HS3ST5: variants seen among roughly 807,000 people sequenced by gnomAD.
HS3ST5 encodes heparan sulfate glucosamine 3-O-sulfotransferase 5.
In HS3ST5, 10 loss-of-function variants were observed where a neutral mutation model predicts 25.4. The ratio of observed to expected loss-of-function variants is 0.39; its 90% CI spans 0.24 to 0.67. The LOEUF (loss-of-function observed/expected upper bound fraction) is 0.67, where lower values mean the gene tolerates loss of function less well. Among genes scored for constraint, HS3ST5 ranks in the 30% least tolerant of loss-of-function variants. The pLI, the probability that HS3ST5 is intolerant of heterozygous loss-of-function variation, is 0.44. For synonymous variants in HS3ST5, 170 were observed against 162.4 expected (o/e 1.05, Z -0.36); for missense variants, 324 against 420.7 (o/e 0.77, Z 2.01).
At chr6:114,275,835 C>G (rs1299496157) in intron 1 of HS3ST5, among the ~76,000 whole-genome samples, 4 of 151,982 alleles carry the variant, frequency 2.6e-5, no homozygotes, top group Non-Finnish European at 5.9e-5. Flanking sequence ...AAAAACCATT[C>G]TCAATTCTGA....
intron 1 of HS3ST5, among the ~76,000 whole-genome samples, chr6:114,291,538 A>G (rs953908895): frequency 2.0e-5 from 3 of 152,170 alleles, no homozygotes; most frequent in Non-Finnish European, 4.4e-5. Context: ...CGATTTGTAG[A>G]TACAGGCAAT....
chr6:114,253,252 C>T (rs1772745787), intron 1 of HS3ST5, among the ~76,000 whole-genome samples: 1 of 152,122 alleles, frequency 6.6e-6, no homozygotes, highest in South Asian at 2.1e-4. Flanking sequence ...ATATGAAACA[C>T]ATTATTTCAA....
intron 1 of HS3ST5, among the ~76,000 whole-genome samples, chr6:114,241,847 C>G (rs1033071020): frequency 2.0e-5 from 3 of 152,120 alleles, no homozygotes; most frequent in Non-Finnish European, 4.4e-5. Flanking sequence ...CAAAAATCTT[C>G]CCAAAGATCT....
At chr6:114,326,848 T>C (rs946882954) in intron 1 of HS3ST5, among the ~76,000 whole-genome samples, 1 of 152,152 alleles carries the variant, frequency 6.6e-6, no homozygotes, top group Non-Finnish European at 1.5e-5. Context: ...TCTTCTATTC[T>C]AAAGCACAAA....
At chr6:114,099,007 G>A (rs17190808) in intron 3 of HS3ST5, among the ~76,000 whole-genome samples, 42,117 of 151,850 alleles carry the variant, frequency 0.28, 6,253 homozygotes, top group African/African-American at 0.38. Context: ...ATATATACCC[G>A]AAGTTAAATA....
At chr6:114,200,624 C>T (rs2114365335) in intron 2 of HS3ST5, among the ~76,000 whole-genome samples, 1 of 152,066 alleles carries the variant, frequency 6.6e-6, no homozygotes, top group Non-Finnish European at 1.5e-5. Flanking sequence ...TCCCCCAGCC[C>T]CCAACCCCCA....
intron 1 of HS3ST5, among the ~76,000 whole-genome samples, chr6:114,298,936 G>A (rs770657597): frequency 6.8e-4 from 103 of 152,212 alleles, no homozygotes; most frequent in African/African-American, 2.3e-3. Context: ...TAGAGCATGC[G>A]TGTTTGAACA....
At chr6:114,117,903 G>A (rs118183393) in intron 3 of HS3ST5, among the ~76,000 whole-genome samples, 1,810 of 141,990 alleles carry the variant, frequency 0.013, 20 homozygotes, top group Non-Finnish European at 0.02. Flanking sequence ...AATTCAGAGT[G>A]CAACAAATGT....
Position 114,081,524 on chromosome 6 carries a change from ACT to A in HS3ST5, c.-32-18649_-32-18648del, listed in dbSNP as rs536920967. Among the ~76,000 whole-genome samples the A allele has an allele frequency of 3.3e-5, 5 of 152,280 alleles. No homozygotes were observed. The East Asian group carries it at 9.7e-4, about 29-fold the overall frequency. ...GAAACTTACAGTTGTTAATAGTCTT[ACT>A]CTCTCTGGATGGAGCAACGGTTCCT... On this transcript the variant is annotated intron_variant, in intron 3 of 4. Coordinates refer to ENST00000312719, the MANE Select transcript of HS3ST5 (RefSeq NM_153612.4).
At chr6:114,224,370 T>C (rs1337517471) in intron 2 of HS3ST5, among the ~76,000 whole-genome samples, 1 of 151,594 alleles carries the variant, frequency 6.6e-6, no homozygotes, top group Admixed American at 6.6e-5. Flanking sequence ...CTTCAAAATA[T>C]AAATTTTCTT....
rs531529799 is a variant in HS3ST5, at chr6:114,084,339, A to G, written c.-32-21462T>C. On this transcript the variant is annotated intron_variant, in intron 3 of 4. Coordinates refer to ENST00000312719, the MANE Select transcript of HS3ST5 (RefSeq NM_153612.4). ...AGTCTGCAATCTCAGGCTGAGTAGC[A>G]GTGAACTCAGGAGCTGAATCAGTCC... The G allele has an allele frequency of 3.2e-4, 243 of 760,262 alleles. 5 individuals carry two copies. Among genetic ancestry groups the G allele is most frequent in the South Asian group, 3.2e-3 (235 of 74,476 alleles). The allele number at this position is 760,262 out of a possible 1,614,324, so 47.1% of individuals were successfully genotyped here.
chr6:114,175,864 A>G (rs1779698989), intron 2 of HS3ST5, among the ~76,000 whole-genome samples: 1 of 152,216 alleles, frequency 6.6e-6, no homozygotes, highest in Admixed American at 6.5e-5. Flanking sequence ...GCCATTGTAT[A>G]AAAAAGACAT....
At chr6:114,181,908 G>A (rs1779991155) in intron 2 of HS3ST5, among the ~76,000 whole-genome samples, 1 of 148,202 alleles carries the variant, frequency 6.7e-6, no homozygotes, top group South Asian at 2.2e-4. Context: ...GTGTGTGTAC[G>A]CACGCACACA....
chr6:114,333,914 T>C (rs1776504974), intron 1 of HS3ST5, among the ~76,000 whole-genome samples: 1 of 152,018 alleles, frequency 6.6e-6, no homozygotes, highest in African/African-American at 2.4e-5. Flanking sequence ...TAAGTAAAAA[T>C]AAAATGGAAA....
chr6:114,107,507 A>G (rs980465403), intron 3 of HS3ST5, among the ~76,000 whole-genome samples: 1 of 152,184 alleles, frequency 6.6e-6, no homozygotes, highest in Non-Finnish European at 1.5e-5. Flanking sequence ...CTTCTACTCA[A>G]CATTGTTTTG....
intron 2 of HS3ST5, among the ~76,000 whole-genome samples, chr6:114,177,204 C>T (rs1226469772): frequency 1.3e-5 from 2 of 152,076 alleles, no homozygotes; most frequent in Admixed American, 6.6e-5. Context: ...AAGAATAACC[C>T]TTGAAATAGT....
At chr6:114,108,332 T>C (rs1009481340) in intron 3 of HS3ST5, among the ~76,000 whole-genome samples, 2 of 152,080 alleles carry the variant, frequency 1.3e-5, no homozygotes, top group African/African-American at 4.8e-5. Context: ...AATACAGAAC[T>C]AGACAGCAAA....
intron 3 of HS3ST5, among the ~76,000 whole-genome samples, chr6:114,155,179 T>G (rs1304124622): frequency 6.6e-6 from 1 of 152,212 alleles, no homozygotes; most frequent in Non-Finnish European, 1.5e-5. Context: ...ACTTCTTACA[T>G]ATTGTATTTT....
intron 1 of HS3ST5, among the ~76,000 whole-genome samples, chr6:114,246,511 G>A (rs1465747565): frequency 6.6e-6 from 1 of 152,178 alleles, no homozygotes; most frequent in Admixed American, 6.5e-5. Flanking sequence ...ACTGGCTCTT[G>A]TACTCGGTTC....
Sources: gnomAD v4.1 joint callset for allele counts (sites outside exome capture counted in the v4.1 genomes callset) on GRCh38, gnomAD v4.1.1 for gene constraint, MANE v1.5 for transcripts, NCBI Gene and HGNC (gene_info 2026-07-23, HGNC 2026-07-21) for gene names.